The following SMAD9 variants were observed in gnomAD, a reference collection of about 807,000 sequenced individuals.
SMAD9 encodes the protein MAD homolog 9.
SMAD9 carries 36 observed loss-of-function variants against 46.1 expected under a neutral mutation model. That is an observed-to-expected ratio of 0.78 (90% CI 0.60 to 1.03). The LOEUF (loss-of-function observed/expected upper bound fraction) is 1.03, where lower values mean the gene tolerates loss of function less well. Among genes scored for constraint, SMAD9 ranks in the 50% least tolerant of loss-of-function variants. The pLI is 0.00. For synonymous variants in SMAD9, 245 were observed against 237.1 expected (o/e 1.03, Z -0.31); for missense variants, 572 against 599.8 (o/e 0.95, Z 0.48).
At chr13:36,904,667 C>T (rs2058604037) in intron 1 of SMAD9, among the ~76,000 whole-genome samples, 1 of 152,190 alleles carries the variant, frequency 6.6e-6, no homozygotes, top group African/African-American at 2.4e-5. Flanking sequence ...CTGTGACTCC[C>T]CCAAATAAAA....
chr13:36,880,932 C>G (rs2058397581), intron 1 of SMAD9, among the ~76,000 whole-genome samples: 1 of 151,844 alleles, frequency 6.6e-6, no homozygotes, highest in South Asian at 2.1e-4. Context: ...TTGATAGATA[C>G]AGCCTACAGA....
At chr13:36,917,307 C>T (rs1217684634) in intron 1 of SMAD9, among the ~76,000 whole-genome samples, 1 of 151,784 alleles carries the variant, frequency 6.6e-6, no homozygotes, top group Non-Finnish European at 1.5e-5. Context: ...TTTTTAATGT[C>T]CTTACTTAGG....
intron 5 of SMAD9, 32 bp downstream of exon 5, chr13:36,865,505 G>C: frequency 1.3e-6 from 2 of 1,568,418 alleles, no homozygotes; most frequent in Non-Finnish European, 1.8e-6. Flanking sequence ...ATTTCGGCTA[G>C]ATGACTAAAG....
intron 6 of SMAD9, among the ~76,000 whole-genome samples, chr13:36,853,052 CAA>C (rs2058087732): frequency 6.6e-6 from 1 of 152,132 alleles, no homozygotes; most frequent in African/African-American, 2.4e-5. Flanking sequence ...TTTGGGAGGC[CAA>C]GATGGGAGGA....
rs865944584 is a variant in SMAD9, at chr13:36,905,813, A to C, written c.-187+14303T>G. Among the ~76,000 whole-genome samples, 9 of 110,916 alleles carry C rather than the reference A, an allele frequency of 8.1e-5. No individual in the cohort carries two copies. In the South Asian group the frequency reaches 8.7e-4, roughly 11 times the overall value. The allele number at this position is 110,916 out of a possible 152,430, so 72.8% of individuals were successfully genotyped here. The stretch of plus-strand genomic sequence containing the variant: ...AAAAAAAAAAAAAAAAAAAAAAAAA[A>C]AACTTATATCCTTTGTTATATTTTT... On this transcript the variant is annotated intron_variant, in intron 1 of 6. Coordinates refer to ENST00000379826, the MANE Select transcript of SMAD9 (RefSeq NM_001127217.3).
intron 5 of SMAD9, among the ~76,000 whole-genome samples, chr13:36,859,214 T>C (rs995651938): frequency 1.3e-5 from 2 of 152,194 alleles, no homozygotes; most frequent in African/African-American, 4.8e-5. Context: ...AAGCCTTACA[T>C]GTGTTCAGAG....
chr13:36,863,608 G>A (rs2058204447), intron 5 of SMAD9, among the ~76,000 whole-genome samples: 1 of 152,150 alleles, frequency 6.6e-6, no homozygotes, highest in African/African-American at 2.4e-5. Context: ...CACACAGAAG[G>A]ATCTCTCATG....
At chr13:36,902,402 G>C (rs965079908) in intron 1 of SMAD9, among the ~76,000 whole-genome samples, 12 of 150,896 alleles carry the variant, frequency 8.0e-5, no homozygotes, top group Non-Finnish European at 1.8e-4. Context: ...TTTGATTACT[G>C]TATATTTGTA....
In SMAD9 at chr13:36,868,308, C is replaced by T. The variant is rs545915052; in HGVS notation, c.671-925G>A. The stretch of plus-strand genomic sequence containing the variant: ...CCAATGGCAATTCTAATGCAGGGTT[C>T]GTGGACCATACTAGGAAACCATGGG... On this transcript the variant is annotated intron_variant, in intron 3 of 6. Transcript: ENST00000379826. Among the ~76,000 whole-genome samples the T allele has an allele frequency of 6.0e-4, 92 of 152,274 alleles. 1 individual carries two copies. Among genetic ancestry groups the T allele is most frequent in the African/African-American group, 2.2e-3 (90 of 41,560 alleles).
chr13:36,901,625 GC>G (rs1405774606), intron 1 of SMAD9, among the ~76,000 whole-genome samples: 1 of 151,986 alleles, frequency 6.6e-6, no homozygotes, highest in Admixed American at 6.6e-5. Context: ...ACGAGGTTTT[GC>G]CATGTTGGCC....
intron 1 of SMAD9, among the ~76,000 whole-genome samples, chr13:36,903,125 G>GT (rs2058591257): frequency 7.2e-6 from 1 of 138,448 alleles, no homozygotes; most frequent in Non-Finnish European, 1.5e-5. Context: ...TTTTTCTTTT[G>GT]GTTTTTTTTT....
chr13:36,864,860 A>C (rs516144), intron 5 of SMAD9, among the ~76,000 whole-genome samples: 33,746 of 152,206 alleles, frequency 0.22, 4,789 homozygotes, highest in African/African-American at 0.4. Context: ...GGTTCTTCAC[A>C]TCTATGACTC....
intron 1 of SMAD9, among the ~76,000 whole-genome samples, chr13:36,903,471 G>A (rs2058594750): frequency 6.6e-6 from 1 of 152,148 alleles, no homozygotes; most frequent in African/African-American, 2.4e-5. Context: ...GCAAACAGCA[G>A]CAGCTATTGT....
rs141797972 is a variant in SMAD9, at chr13:36,914,864, C to T, written c.-187+5252G>A. Among the ~76,000 whole-genome samples the T allele has an allele frequency of 2.2e-3, 329 of 152,326 alleles. 11 individuals carry two copies. The highest frequency in any genetic ancestry group is 0.02 in the Admixed American group (311 of 15,308). ...TTCTTAAAAAAGACCTGCAAATCTGCTGTAAGCTTTCCATAGCCCACAAGT... is the reference window on the plus strand; with the variant it reads ...TTCTTAAAAAAGACCTGCAAATCTGTTGTAAGCTTTCCATAGCCCACAAGT... On this transcript the variant is annotated intron_variant, in intron 1 of 6. Coordinates refer to ENST00000379826, the MANE Select transcript of SMAD9 (RefSeq NM_001127217.3).
At chr13:36,916,815 C>A (rs2058701852) in intron 1 of SMAD9, among the ~76,000 whole-genome samples, 1 of 151,102 alleles carries the variant, frequency 6.6e-6, no homozygotes. Context: ...CCCGTGAAGG[C>A]AGCGCCTGAA....
At chr13:36,914,670 G>C (rs867292797) in intron 1 of SMAD9, among the ~76,000 whole-genome samples, 4 of 152,202 alleles carry the variant, frequency 2.6e-5, no homozygotes, top group Middle Eastern at 3.2e-3. Context: ...ACTGATAAGA[G>C]ATGTCAAATA....
chr13:36,867,409 A>G, intron 3 of SMAD9, 26 bp from the exon 4 acceptor site: 2 of 1,434,746 alleles, frequency 1.4e-6, no homozygotes, highest in Non-Finnish European at 1.9e-6. Flanking sequence ...AGAACAAAGG[A>G]ATTGTCAAAT....
chr13:36,910,259 G>A (rs1270589145), intron 1 of SMAD9, among the ~76,000 whole-genome samples: 1 of 151,894 alleles, frequency 6.6e-6, no homozygotes, highest in Non-Finnish European at 1.5e-5. Context: ...TTGACTCCAG[G>A]ATCCTCAAAT....
At chr13:36,866,568 G>A (rs756681040) in intron 4 of SMAD9, among the ~76,000 whole-genome samples, 1 of 152,044 alleles carries the variant, frequency 6.6e-6, no homozygotes, top group Non-Finnish European at 1.5e-5. Context: ...GTTCCTATAT[G>A]CATTAAATAT....
Sources: allele counts gnomAD v4.1 joint callset (sites outside exome capture counted in the v4.1 genomes callset), GRCh38; gene constraint gnomAD v4.1.1; transcripts MANE v1.5; gene names NCBI Gene and HGNC (gene_info 2026-07-23, HGNC 2026-07-21).